The following NDE1 variants were observed in gnomAD, a reference collection of about 807,000 sequenced individuals.
The protein encoded by NDE1 is nudE neurodevelopment protein 1.
In NDE1, 28 loss-of-function variants were observed where a neutral mutation model predicts 43.4. That is an observed-to-expected ratio of 0.65 (90% CI 0.48 to 0.89). NDE1 has a LOEUF of 0.89. Among genes scored for constraint, NDE1 ranks in the 40% least tolerant of loss-of-function variants. The pLI, the probability that NDE1 is intolerant of heterozygous loss-of-function variation, is 0.00. For missense variants in NDE1, 441 were observed against 434.1 expected (o/e 1.02, Z -0.14); for synonymous variants, 184 against 172.0 (o/e 1.07, Z -0.55).
At chr16:15,671,364 A>T (rs2037582970) in intron 3 of NDE1, among the ~76,000 whole-genome samples, 1 of 152,058 alleles carries the variant, frequency 6.6e-6, no homozygotes, top group Admixed American at 6.6e-5. Context: ...TAAAAAATTC[A>T]TTGGACATGG....
chr16:15,724,081 A>G, intron 8 of NDE1, 110 bp from the exon 9 acceptor site: 1 of 1,602,000 alleles, frequency 6.2e-7, no homozygotes, highest in Non-Finnish European at 8.5e-7. Flanking sequence ...CACAGGCCAG[A>G]GCCACGCGTC....
rs1191692719 is a variant in NDE1, at chr16:15,709,095, A to AC, written c.947+12236dup. ...GTAGCTGGGATTACAGGCAGGCCCC[A>AC]CGTGCTTGGCTAATTTTTGTATTTT... On this transcript the variant is annotated intron_variant, in intron 8 of 8. Transcript: ENST00000396354. Among the ~76,000 whole-genome samples, 13 of 150,326 alleles carry AC rather than the reference A, an allele frequency of 8.6e-5. No individual in the cohort carries two copies. In the East Asian group the frequency reaches 1.0e-3, roughly 12 times the overall value.
At chr16:15,662,531 C>T (rs1567622803) in intron 1 of NDE1, among the ~76,000 whole-genome samples, 2 of 151,988 alleles carry the variant, frequency 1.3e-5, no homozygotes, top group African/African-American at 4.8e-5. Context: ...GATCCGCCTG[C>T]CTCGGCCTCC....
At chr16:15,656,119 T>TA (rs2036755300) in intron 1 of NDE1, among the ~76,000 whole-genome samples, 3 of 151,884 alleles carry the variant, frequency 2.0e-5, no homozygotes, top group South Asian at 4.2e-4. Context: ...CCCTAAAACT[T>TA]AAAGTATAAT....
At chr16:15,718,062 C>T (rs2040261042) in intron 8 of NDE1, 12 of 580,896 alleles carry the variant, frequency 2.1e-5, no homozygotes, top group South Asian at 1.0e-4. Flanking sequence ...CAGGGATGGC[C>T]GTGAGGTACG....
intron 5 of NDE1, among the ~76,000 whole-genome samples, chr16:15,688,104 A>AG (rs1567649655): frequency 6.6e-6 from 1 of 152,180 alleles, no homozygotes; most frequent in Non-Finnish European, 1.5e-5. Flanking sequence ...TCAGCCCAGG[A>AG]GGTGGAGTAT....
chr16:15,689,838 G>C (rs1240610828), intron 5 of NDE1, among the ~76,000 whole-genome samples: 1 of 136,704 alleles, frequency 7.3e-6, no homozygotes, highest in Non-Finnish European at 1.5e-5. Flanking sequence ...TACTTGGGAG[G>C]CTGAGGCAGG....
chr16:15,708,619 A>G (rs1055658128), intron 8 of NDE1, among the ~76,000 whole-genome samples: 5 of 152,212 alleles, frequency 3.3e-5, no homozygotes, highest in African/African-American at 1.2e-4. Context: ...GATGAGGTCT[A>G]TTTGTCATCC....
chr16:15,715,360 C>A, intron 8 of NDE1: 2 of 1,210,924 alleles, frequency 1.7e-6, no homozygotes, highest in Non-Finnish European at 2.4e-6. Context: ...ATCTTGAGTG[C>A]TTTCCTGAGC....
In NDE1 at chr16:15,691,235, T is replaced by TGTGCAGGCCACGGGCTCCGTGCC; in HGVS notation, c.618_640dup (p.Ser214CysfsTer21). 1 of 1,614,200 alleles carries TGTGCAGGCCACGGGCTCCGTGCC rather than the reference T, an allele frequency of 6.2e-7. No individual in the cohort carries two copies. Among genetic ancestry groups the TGTGCAGGCCACGGGCTCCGTGCC allele is most frequent in the Non-Finnish European group, 8.5e-7 (1 of 1,180,032 alleles). ...TGGAAGCTGAGAGGACAGACACAGC[T>TGTGCAGGCCACGGGCTCCGTGCC]GTGCAGGCCACGGGCTCCGTGCCGT... On this transcript the variant is annotated frameshift_variant, in exon 6 of 9. Transcript: ENST00000396354. LOFTEE classifies it high-confidence loss of function.
intron 3 of NDE1, among the ~76,000 whole-genome samples, chr16:15,670,014 G>C (rs549907589): frequency 6.6e-6 from 1 of 152,298 alleles, no homozygotes; most frequent in Non-Finnish European, 1.5e-5. Context: ...CTGGCTCTCA[G>C]CCTTAGCTGC....
chr16:15,720,054 C>CA, intron 8 of NDE1: 2 of 1,517,558 alleles, frequency 1.3e-6, no homozygotes, highest in Non-Finnish European at 1.8e-6. Flanking sequence ...ATGGCAGGTG[C>CA]AGGCTTGCTT....
rs1194565114 is a variant in NDE1, at chr16:15,688,689, C to CTTTTTTTTTTTTT, written c.523+1193_523+1205dup. Among the ~76,000 whole-genome samples the CTTTTTTTTTTTTT allele has an allele frequency of 2.8e-3, 169 of 60,000 alleles. 31 individuals are homozygous for CTTTTTTTTTTTTT. Among genetic ancestry groups the CTTTTTTTTTTTTT allele is most frequent in the Non-Finnish European group, 3.5e-3 (119 of 33,866 alleles). 39.4% of individuals were successfully genotyped at this position (60,000 alleles called of 152,430 possible). On this transcript the variant is annotated intron_variant, in intron 5 of 8. Coordinates refer to ENST00000396354, the MANE Select transcript of NDE1 (RefSeq NM_017668.3). ...AGTGGATTGTCCAAGTTGTTTTTACCTTTTTTTTTTTTTTTTTTTTTTTTT... is the reference window on the plus strand; with the variant it reads ...AGTGGATTGTCCAAGTTGTTTTTACCTTTTTTTTTTTTTTTTTTTTTTTTTTTTTTTTTTTTTT...
chr16:15,714,892 G>C, intron 8 of NDE1: 1 of 1,612,776 alleles, frequency 6.2e-7, no homozygotes, highest in East Asian at 2.2e-5. Flanking sequence ...GGTCCTCCCG[G>C]GCCACGGGCT....
intron 8 of NDE1, chr16:15,714,337 A>G (rs1181846541): frequency 6.1e-6 from 1 of 164,532 alleles, no homozygotes; most frequent in Non-Finnish European, 1.3e-5. Flanking sequence ...ATCTAGAGAC[A>G]TTTTTGGTTG....
chr16:15,725,030 G>A lies in NDE1; in HGVS notation c.*779G>A, dbSNP rs750803830. On this transcript the variant is annotated 3_prime_UTR_variant, in exon 9 of 9. Transcript: ENST00000396354. ...AGAGACTGGTTAGTCAAAGCCTCTA[G>A]AAGGGGATCCTCGTTGAAAGGAGCC... 37 of 1,577,004 alleles carry A rather than the reference G, an allele frequency of 2.3e-5. No homozygotes were observed. In the South Asian group the frequency reaches 2.4e-4, roughly 10 times the overall value.
intron 8 of NDE1, chr16:15,699,723 C>T: frequency 7.4e-7 from 1 of 1,349,984 alleles, no homozygotes; most frequent in Non-Finnish European, 9.8e-7. Context: ...TTTGCTCTGT[C>T]TGAAGGTTGG....
chr16:15,721,532 G>A (rs1052648046), intron 8 of NDE1: 7 of 1,614,186 alleles, frequency 4.3e-6, no homozygotes, highest in South Asian at 1.1e-5. Context: ...TCAAGGGCCC[G>A]AGCCAGGGAC....
chr16:15,687,464 A>G lies in NDE1; in HGVS notation c.476A>G (p.Lys159Arg). 1 of 1,614,190 alleles carries G rather than the reference A, an allele frequency of 6.2e-7. No homozygotes were observed. Among genetic ancestry groups the G allele is most frequent in the Non-Finnish European group, 8.5e-7 (1 of 1,180,034 alleles). ...NAFLESELDEKENLLESVQRL... is the reference protein window; with the variant it reads ...NAFLESELDERENLLESVQRL... Reference sequence around the variant, plus strand: ...TTCCTGGAAAGTGAACTTGATGAAAAAGAGAATCTCCTGGAATCTGTTCAG... The same window carrying G: ...TTCCTGGAAAGTGAACTTGATGAAAGAGAGAATCTCCTGGAATCTGTTCAG... Residue 159 changes from lysine to arginine, a missense_variant, in exon 5 of 9, where the codon AAA becomes AGA. Coordinates refer to ENST00000396354, the MANE Select transcript of NDE1 (RefSeq NM_017668.3).
Sources: gnomAD v4.1 joint callset for allele counts (sites outside exome capture counted in the v4.1 genomes callset) on GRCh38, gnomAD v4.1.1 for gene constraint, MANE v1.5 for transcripts, NCBI Gene and HGNC (gene_info 2026-07-23, HGNC 2026-07-21) for gene names.